Variants in SLC25A21 observed in about 807,000 individuals in gnomAD.
SLC25A21 encodes mitochondrial 2-oxodicarboxylate carrier.
A neutral mutation model predicts 43.8 loss-of-function variants in SLC25A21; 47 were observed. The observed-to-expected ratio is 1.07, with a 90% CI of 0.85 to 1.37. The LOEUF (loss-of-function observed/expected upper bound fraction) is 1.37, where lower values mean the gene tolerates loss of function less well. SLC25A21 is among the 40% of genes most tolerant of loss of function. The probability of loss-of-function intolerance (pLI) is 0.00; values close to 1 mark genes in which losing one functional copy is unlikely to be tolerated. For synonymous variants in SLC25A21, 131 were observed against 121.3 expected (o/e 1.08, Z -0.52); for missense variants, 352 against 350.2 (o/e 1.00, Z -0.04).
rs978138502 is a variant in SLC25A21 at position 36,679,568 on chromosome 14, T to C, written c.*1090A>G. ...CCAAGGAGATATTTTTGTTGATACA[T>C]GTTAGTATAGTAATCCTTAGAAATG... On this transcript the variant is annotated 3_prime_UTR_variant, in exon 10 of 10. Coordinates refer to ENST00000331299, the MANE Select transcript of SLC25A21 (RefSeq NM_030631.4). The C allele has an allele frequency of 3.2e-5, 32 of 985,246 alleles. No homozygotes were observed. Among genetic ancestry groups the C allele is most frequent in the Admixed American group, 1.2e-4 (2 of 16,260 alleles). 61.0% of individuals were successfully genotyped at this position (985,246 alleles called of 1,614,324 possible).
chr14:36,740,290 TTGTC>T (rs1225693175), intron 3 of SLC25A21, among the ~76,000 whole-genome samples: 1 of 152,158 alleles, frequency 6.6e-6, no homozygotes, highest in Non-Finnish European at 1.5e-5. Flanking sequence ...ATTAGTGTGA[TTGTC>T]TGTGAAAGAA....
chr14:36,896,390 T>C (rs1891239972), intron 1 of SLC25A21, among the ~76,000 whole-genome samples: 1 of 152,220 alleles, frequency 6.6e-6, no homozygotes, highest in Non-Finnish European at 1.5e-5. Context: ...TTCCATTTGC[T>C]TGGTAGATCT....
chr14:37,158,844 C>T (rs1245309567), intron 1 of SLC25A21, among the ~76,000 whole-genome samples: 1 of 152,014 alleles, frequency 6.6e-6, no homozygotes, highest in African/African-American at 2.4e-5. Flanking sequence ...CTTAAAGATT[C>T]CACCAAAGAA....
intron 1 of SLC25A21, among the ~76,000 whole-genome samples, chr14:37,079,946 T>C (rs946210005): frequency 1.3e-5 from 2 of 152,022 alleles, no homozygotes; most frequent in African/African-American, 2.4e-5. Context: ...AGTGCCCTTA[T>C]AGAAGAGGCC....
chr14:37,093,971 G>A (rs1296130685), intron 1 of SLC25A21, among the ~76,000 whole-genome samples: 1 of 152,142 alleles, frequency 6.6e-6, no homozygotes, highest in African/African-American at 2.4e-5. Context: ...TGAGTGACAC[G>A]GTGGCAATTT....
chr14:36,864,465 T>C (rs1456210550), intron 2 of SLC25A21, among the ~76,000 whole-genome samples: 1 of 152,218 alleles, frequency 6.6e-6, no homozygotes, highest in African/African-American at 2.4e-5. Flanking sequence ...AATGACTTAA[T>C]CAATACAGTA....
chr14:36,715,561 A>G (rs181971594), intron 6 of SLC25A21, among the ~76,000 whole-genome samples: 23 of 152,308 alleles, frequency 1.5e-4, no homozygotes, highest in African/African-American at 4.1e-4. Context: ...TTAGTTACCA[A>G]TTGTGGGCCA....
chr14:37,097,048 T>G (rs1457053265), intron 1 of SLC25A21: 5 of 151,822 alleles, frequency 3.3e-5, no homozygotes, highest in Admixed American at 2.0e-4. Context: ...TTTTGTTTTT[T>G]TTTGTTTGTT....
At chr14:36,690,744 G>C (rs1200346943) in intron 7 of SLC25A21, among the ~76,000 whole-genome samples, 1 of 152,116 alleles carries the variant, frequency 6.6e-6, no homozygotes, top group Non-Finnish European at 1.5e-5. Context: ...GGAGGAAATT[G>C]CTCCTGGGAT....
chr14:36,956,572 T>C (rs192200259), intron 1 of SLC25A21, among the ~76,000 whole-genome samples: 1 of 152,334 alleles, frequency 6.6e-6, no homozygotes, highest in East Asian at 1.9e-4. Context: ...CATTCATTCG[T>C]TTATTTTTTT....
Position 36,679,466 on chromosome 14 carries a change from C to T in SLC25A21, c.*1192G>A. The T allele has an allele frequency of 1.0e-6, 1 of 985,354 alleles. No homozygotes were observed. Among genetic ancestry groups the T allele is most frequent in the Non-Finnish European group, 1.2e-6 (1 of 829,896 alleles). 61.0% of individuals were successfully genotyped at this position (985,354 alleles called of 1,614,324 possible). A position where few individuals can be genotyped will look rare whatever the true frequency, so the allele number is the denominator to read the frequency against. The stretch of plus-strand genomic sequence containing the variant: ...TTAGGACAGGTGTCATATGGACTTT[C>T]AGTTATTCTTGTTGACTTTACTGAA... On this transcript the variant is annotated 3_prime_UTR_variant, in exon 10 of 10. Coordinates refer to ENST00000331299, the MANE Select transcript of SLC25A21 (RefSeq NM_030631.4).
In SLC25A21 at chr14:36,753,230, TG is replaced by T. The variant is rs1270980976; in HGVS notation, c.204-18658del. Among the ~76,000 whole-genome samples the T allele has an allele frequency of 6.0e-4, 92 of 152,330 alleles. 1 individual carries two copies. Among genetic ancestry groups the T allele is most frequent in the Middle Eastern group, 6.8e-3 (2 of 294 alleles). ...AGCTAAAATGGCAAATTTTATGTTA[TG>T]TGTATTATGACATAATAAAAAATAA... On this transcript the variant is annotated intron_variant, in intron 3 of 9. Coordinates refer to ENST00000331299, the MANE Select transcript of SLC25A21 (RefSeq NM_030631.4).
chr14:37,071,518 T>G (rs972443948), intron 1 of SLC25A21, among the ~76,000 whole-genome samples: 1 of 152,198 alleles, frequency 6.6e-6, no homozygotes, highest in Non-Finnish European at 1.5e-5. Flanking sequence ...AGCTAGAAGG[T>G]AGCTTCAGAA....
intron 3 of SLC25A21, among the ~76,000 whole-genome samples, chr14:36,766,827 C>T (rs1467570257): frequency 1.3e-5 from 2 of 152,148 alleles, no homozygotes; most frequent in Non-Finnish European, 2.9e-5. Flanking sequence ...ACTGAATTTT[C>T]TTGTTTCTAA....
rs185965596 is a variant in SLC25A21, at chr14:36,786,606, C to T, written c.203+27312G>A. On this transcript the variant is annotated intron_variant, in intron 3 of 9. Coordinates refer to ENST00000331299, the MANE Select transcript of SLC25A21 (RefSeq NM_030631.4). ...AATCCATAGAGTTTAATCCTCCCAA[C>T]TCTTTGCAAGGCTCTTCCTTTGAGT... Among the ~76,000 whole-genome samples the T allele has an allele frequency of 2.6e-4, 39 of 152,328 alleles. No homozygotes were observed. The East Asian group carries it at 7.1e-3, about 28-fold the overall frequency.
intron 1 of SLC25A21, among the ~76,000 whole-genome samples, chr14:36,954,260 C>T (rs1344412194): frequency 6.6e-6 from 1 of 152,098 alleles, no homozygotes; most frequent in Non-Finnish European, 1.5e-5. Flanking sequence ...AATTCTCTCC[C>T]TCTCATCAGG....
intron 1 of SLC25A21, among the ~76,000 whole-genome samples, chr14:37,059,400 C>T (rs993399044): frequency 1.3e-5 from 2 of 152,170 alleles, no homozygotes; most frequent in Non-Finnish European, 2.9e-5. Context: ...TTAACTATTA[C>T]ATGGTAGTTA....
intron 2 of SLC25A21, among the ~76,000 whole-genome samples, chr14:36,859,465 A>G (rs2138528800): frequency 6.6e-6 from 1 of 152,334 alleles, no homozygotes; most frequent in African/African-American, 2.4e-5. Flanking sequence ...CCATCCAGGC[A>G]CCATCCAGGA....
intron 1 of SLC25A21, among the ~76,000 whole-genome samples, chr14:37,099,208 C>T (rs1440861196): frequency 1.3e-5 from 2 of 152,112 alleles, no homozygotes; most frequent in Non-Finnish European, 2.9e-5. Flanking sequence ...CCTTTTCTTG[C>T]ACCTTCTCCT....
Sources: allele counts gnomAD v4.1 joint callset (sites outside exome capture counted in the v4.1 genomes callset), GRCh38; gene constraint gnomAD v4.1.1; transcripts MANE v1.5; gene names NCBI Gene and HGNC (gene_info 2026-07-23, HGNC 2026-07-21).